Variants in NALF1 observed in about 807,000 individuals in gnomAD.
NALF1 encodes family with sequence similarity 155 member A.
NALF1 carries 3 observed loss-of-function variants against 48.4 expected under a neutral mutation model. That is an observed-to-expected ratio of 0.06 (90% CI 0.03 to 0.16). The LOEUF is 0.16. Among genes scored for constraint, NALF1 ranks in the 10% least tolerant of loss-of-function variants. NALF1 has a pLI of 1.00. For missense variants in NALF1, 526 were observed against 571.5 expected, an observed-to-expected ratio of 0.92 and a Z score of 0.81; for synonymous variants, 262 against 245.7, an observed-to-expected ratio of 1.07 and a Z score of -0.62.
chr13:107,761,129 G>A (rs1005654935), intron 1 of NALF1, among the ~76,000 whole-genome samples: 9 of 152,098 alleles, frequency 5.9e-5, no homozygotes, highest in Admixed American at 2.6e-4. Context: ...AGGCCAAGGC[G>A]GGCAGATCAC....
At chr13:107,484,178 GAAAT>G (rs988799528) in intron 1 of NALF1, among the ~76,000 whole-genome samples, 35 of 152,170 alleles carry the variant, frequency 2.3e-4, no homozygotes, top group African/African-American at 8.2e-4. Flanking sequence ...GATGGTAATT[GAAAT>G]AAATAAAAAA....
intron 1 of NALF1, among the ~76,000 whole-genome samples, chr13:107,333,717 T>C (rs1273710286): frequency 6.6e-6 from 1 of 152,230 alleles, no homozygotes; most frequent in African/African-American, 2.4e-5. Flanking sequence ...TAAAATGCAT[T>C]ACTAATGTAT....
At chr13:107,278,447 G>C (rs1345556630) in intron 1 of NALF1, among the ~76,000 whole-genome samples, 1 of 152,208 alleles carries the variant, frequency 6.6e-6, no homozygotes, top group Non-Finnish European at 1.5e-5. Flanking sequence ...ATTATATGGG[G>C]TTTTGTTTTT....
intron 1 of NALF1, among the ~76,000 whole-genome samples, chr13:107,339,051 G>A (rs1459049011): frequency 2.0e-5 from 3 of 151,346 alleles, no homozygotes; most frequent in African/African-American, 7.3e-5. Flanking sequence ...GGAGAATGGC[G>A]TGAACTCGGG....
At chr13:107,815,387 T>C (rs1211418298) in intron 1 of NALF1, among the ~76,000 whole-genome samples, 1 of 152,016 alleles carries the variant, frequency 6.6e-6, no homozygotes, top group Admixed American at 6.5e-5. Flanking sequence ...GATATACAAA[T>C]GGCCAATAAA....
Position 107,179,923 on chromosome 13 carries a change from C to T in NALF1, c.1088-9137G>A, listed in dbSNP as rs189968444. Among the ~76,000 whole-genome samples the T allele has an allele frequency of 2.1e-5, 3 of 145,314 alleles. No homozygotes were observed. In the East Asian group the frequency reaches 6.0e-4, roughly 29 times the overall value. ...TGTCTTTGCTGTTCTTATAACGCAC[C>T]AGCATATTGGATCCCAGGCCCACCG... On this transcript the variant is annotated intron_variant, in intron 2 of 2. Transcript: ENST00000375915.
In NALF1 at chr13:107,308,527, G is replaced by A. The variant is rs188539030; in HGVS notation, c.916-97772C>T. Among the ~76,000 whole-genome samples, 15 of 152,206 alleles carry A rather than the reference G, an allele frequency of 9.9e-5. No individual in the cohort carries two copies. The East Asian group carries it at 2.9e-3, about 29-fold the overall frequency. On this transcript the variant is annotated intron_variant, in intron 1 of 2. Coordinates refer to ENST00000375915, the MANE Select transcript of NALF1 (RefSeq NM_001080396.3). ...GCACTTTAGTTCTTGAATGTCCATA[G>A]CAATCATAGCCAAAATTTTAAAAAG... is the stretch of plus-strand genomic sequence containing the variant.
intron 1 of NALF1, among the ~76,000 whole-genome samples, chr13:107,792,724 C>A (rs1878288344): frequency 6.6e-6 from 1 of 152,170 alleles, no homozygotes; most frequent in Non-Finnish European, 1.5e-5. Flanking sequence ...AACAGTCACA[C>A]TAACTAAAGG....
chr13:107,183,839 G>C (rs758768486), intron 2 of NALF1, among the ~76,000 whole-genome samples: 2 of 152,148 alleles, frequency 1.3e-5, no homozygotes, highest in Non-Finnish European at 2.9e-5. Flanking sequence ...ACCAGGGCCT[G>C]TCGAGGGGAG....
At chr13:107,454,343 G>T (rs1447659249) in intron 1 of NALF1, among the ~76,000 whole-genome samples, 1 of 152,194 alleles carries the variant, frequency 6.6e-6, no homozygotes, top group Non-Finnish European at 1.5e-5. Context: ...GTCTGGGGAG[G>T]CCTCAGGAAA....
intron 1 of NALF1, among the ~76,000 whole-genome samples, chr13:107,365,176 T>G (rs1372512791): frequency 6.6e-6 from 1 of 151,456 alleles, no homozygotes; most frequent in Non-Finnish European, 1.5e-5. Flanking sequence ...CTTACCAATG[T>G]GTATGATGAT....
intron 1 of NALF1, among the ~76,000 whole-genome samples, chr13:107,626,476 T>C (rs1879676984): frequency 6.6e-6 from 1 of 152,134 alleles, no homozygotes; most frequent in Admixed American, 6.6e-5. Context: ...CCTGTGTTTT[T>C]TGGAGCACTA....
chr13:107,216,517 G>A (rs1879876364), intron 1 of NALF1, among the ~76,000 whole-genome samples: 1 of 152,220 alleles, frequency 6.6e-6, no homozygotes, highest in South Asian at 2.1e-4. Flanking sequence ...CCCTTGTGGG[G>A]GGTCTTATGA....
chr13:107,634,849 C>A (rs1879931974), intron 1 of NALF1, among the ~76,000 whole-genome samples: 1 of 151,982 alleles, frequency 6.6e-6, no homozygotes, highest in African/African-American at 2.4e-5. Flanking sequence ...AGCAAATGGT[C>A]TACAATGGGA....
intron 1 of NALF1, among the ~76,000 whole-genome samples, chr13:107,329,489 C>CTT (rs1197401981): frequency 2.0e-5 from 3 of 147,712 alleles, no homozygotes; most frequent in African/African-American, 7.5e-5. Flanking sequence ...GCTTCACTCT[C>CTT]TTTTTTTTTT....
intron 1 of NALF1, among the ~76,000 whole-genome samples, chr13:107,258,368 C>G (rs928987846): frequency 1.3e-5 from 2 of 152,020 alleles, no homozygotes; most frequent in African/African-American, 4.8e-5. Context: ...CTCATATTGC[C>G]TCCACGACAC....
intron 1 of NALF1, among the ~76,000 whole-genome samples, chr13:107,302,830 G>GCT (rs993105231): frequency 1.3e-5 from 2 of 151,940 alleles, no homozygotes; most frequent in Non-Finnish European, 2.9e-5. Flanking sequence ...ACATATGACT[G>GCT]CTCTCTCTCT....
At chr13:107,496,288 A>G (rs1875331929) in intron 1 of NALF1, among the ~76,000 whole-genome samples, 1 of 152,172 alleles carries the variant, frequency 6.6e-6, no homozygotes, top group Admixed American at 6.6e-5. Flanking sequence ...GATGCAAAGG[A>G]CCTGAATGAC....
intron 1 of NALF1, among the ~76,000 whole-genome samples, chr13:107,723,934 AT>A (rs1163973000): frequency 6.6e-6 from 1 of 152,072 alleles, no homozygotes; most frequent in Non-Finnish European, 1.5e-5. Flanking sequence ...ATATTCTTTA[AT>A]TTTTTCATGC....
Sources: allele counts gnomAD v4.1 joint callset (sites outside exome capture counted in the v4.1 genomes callset), GRCh38; gene constraint gnomAD v4.1.1; transcripts MANE v1.5; gene names NCBI Gene and HGNC (gene_info 2026-07-23, HGNC 2026-07-21).